Variants in GLI3 observed in about 807,000 individuals in gnomAD.
GLI3 encodes the protein GLI family zinc finger 3, also known as transcription activator GLI3.
A neutral mutation model predicts 100.8 loss-of-function variants in GLI3; 20 were observed. The observed-to-expected ratio is 0.20, with a 90% CI of 0.14 to 0.29. The LOEUF is 0.29. Ranked by LOEUF, GLI3 falls within the 10% of genes least tolerant of loss-of-function variation. The pLI is 1.00. For missense variants in GLI3, 2,040 were observed against 2,128.5 expected (o/e 0.96, Z 0.82); for synonymous variants, 938 against 860.5 (o/e 1.09, Z -1.58).
intron 10 of GLI3, among the ~76,000 whole-genome samples, chr7:41,997,823 T>G (rs1222327112): frequency 6.6e-6 from 1 of 152,154 alleles, no homozygotes; most frequent in South Asian, 2.1e-4. Context: ...CATAAATATA[T>G]AACTTGAACC....
intron 3 of GLI3, among the ~76,000 whole-genome samples, chr7:42,110,534 G>A (rs1416168676): frequency 2.6e-5 from 4 of 152,122 alleles, no homozygotes; most frequent in African/African-American, 4.8e-5. Flanking sequence ...ACAAGCCCAC[G>A]GTGTGAAGAG....
At chr7:41,986,752 A>T (rs768232344) in intron 10 of GLI3, among the ~76,000 whole-genome samples, 56 of 152,162 alleles carry the variant, frequency 3.7e-4, no homozygotes, top group Admixed American at 1.6e-3. Context: ...TATTGGTTGC[A>T]CAGCTTTGAG....
intron 2 of GLI3, among the ~76,000 whole-genome samples, chr7:42,202,335 C>CAA (rs1788057448): frequency 2.9e-5 from 1 of 34,106 alleles, no homozygotes; most frequent in African/African-American, 5.9e-5. Context: ...CTCTCTCTCT[C>CAA]TCTCTCTCTC....
intron 2 of GLI3, among the ~76,000 whole-genome samples, chr7:42,170,067 T>A (rs1423428621): frequency 6.6e-6 from 1 of 151,340 alleles, no homozygotes; most frequent in Non-Finnish European, 1.5e-5. Flanking sequence ...CTGGCCAGCA[T>A]GGTGAAAACC....
intron 10 of GLI3, among the ~76,000 whole-genome samples, chr7:42,004,495 G>C (rs556630156): frequency 2.0e-5 from 3 of 152,008 alleles, no homozygotes; most frequent in African/African-American, 7.2e-5. Flanking sequence ...GCTATTAAAA[G>C]CAATGACCAG....
intron 7 of GLI3, among the ~76,000 whole-genome samples, chr7:42,036,905 G>C (rs867216164): frequency 3.8e-4 from 58 of 152,164 alleles, no homozygotes; most frequent in African/African-American, 1.4e-3. Flanking sequence ...ACTTTGGGAT[G>C]CCAAGGCGGG....
intron 4 of GLI3, among the ~76,000 whole-genome samples, chr7:42,051,904 G>A (rs1207307697): frequency 6.6e-6 from 1 of 152,066 alleles, no homozygotes; most frequent in African/African-American, 2.4e-5. Context: ...TCCTTTCTAC[G>A]GGTTTGGGCA....
intron 2 of GLI3, among the ~76,000 whole-genome samples, chr7:42,192,066 AC>A (rs1486699854): frequency 2.2e-4 from 33 of 152,330 alleles, no homozygotes; most frequent in African/African-American, 7.9e-4. Context: ...TTGAACAGAG[AC>A]ATGTCATATT....
At chr7:41,981,396 G>T (rs1787664810) in intron 10 of GLI3, among the ~76,000 whole-genome samples, 1 of 152,366 alleles carries the variant, frequency 6.6e-6, no homozygotes, top group South Asian at 2.1e-4. Context: ...CACCCCAGGG[G>T]AAAGCCAGGC....
chr7:42,256,120 T>G (rs1348919462), intron 1 of GLI3, among the ~76,000 whole-genome samples: 1 of 152,204 alleles, frequency 6.6e-6, no homozygotes. Context: ...TGAAATTTCT[T>G]TTAAAATATT....
At chr7:42,120,360 C>T (rs768083607) in intron 3 of GLI3, among the ~76,000 whole-genome samples, 2 of 152,080 alleles carry the variant, frequency 1.3e-5, no homozygotes, top group Admixed American at 6.6e-5. Context: ...CTCTCTAATA[C>T]GTTTCTGAAT....
chr7:42,057,515 G>A (rs1404252705), intron 4 of GLI3, among the ~76,000 whole-genome samples: 2 of 152,202 alleles, frequency 1.3e-5, no homozygotes, highest in South Asian at 2.1e-4. Context: ...TGTGCCACAT[G>A]TACTCAAAGA....
intron 1 of GLI3, among the ~76,000 whole-genome samples, chr7:42,254,214 C>A (rs1293286868): frequency 6.5e-5 from 1 of 15,340 alleles, no homozygotes; most frequent in South Asian, 1.6e-3. Flanking sequence ...AGCAAAACTC[C>A]GTTAAAAAAA....
At chr7:42,224,758 T>C (rs1238789937) in intron 1 of GLI3, among the ~76,000 whole-genome samples, 2 of 152,236 alleles carry the variant, frequency 1.3e-5, no homozygotes, top group African/African-American at 4.8e-5. Context: ...CCACCGTGCG[T>C]GAGTCCCAAG....
chr7:42,033,167 C>T (rs1006943854), intron 7 of GLI3, among the ~76,000 whole-genome samples: 6 of 152,220 alleles, frequency 3.9e-5, no homozygotes, highest in Non-Finnish European at 8.8e-5. Context: ...GTGGTAATCA[C>T]ACTCCATCAC....
chr7:41,991,828 A>G (rs1189289517), intron 10 of GLI3, among the ~76,000 whole-genome samples: 3 of 152,204 alleles, frequency 2.0e-5, no homozygotes, highest in African/African-American at 7.2e-5. Flanking sequence ...AGAAGGGAAG[A>G]GAGATACAGA....
At chr7:42,237,745 G>A, upstream of GLI3, 1 of 152,264 alleles carries the variant, frequency 6.6e-6, no homozygotes, top group East Asian at 2.0e-4. Flanking sequence ...CCGCCGCAGG[G>A]GGCGAAGTTG....
upstream of GLI3, among the ~76,000 whole-genome samples, chr7:42,241,743 G>A (rs945078313): frequency 3.3e-5 from 5 of 152,056 alleles, no homozygotes; most frequent in Admixed American, 6.6e-5. Context: ...TTGGACCTCC[G>A]CCAATCCCAC....
chr7:42,130,242 A>G (rs1466737565), intron 3 of GLI3, among the ~76,000 whole-genome samples: 3 of 152,144 alleles, frequency 2.0e-5, no homozygotes, highest in Non-Finnish European at 2.9e-5. Flanking sequence ...AGGATGTTCC[A>G]TCCATCCATC....
Sources: gnomAD v4.1 joint callset for allele counts (sites outside exome capture counted in the v4.1 genomes callset) on GRCh38, gnomAD v4.1.1 for gene constraint, MANE v1.5 for transcripts, NCBI Gene and HGNC (gene_info 2026-07-23, HGNC 2026-07-21) for gene names.